The following ACACB variants were observed in gnomAD, a reference collection of about 807,000 sequenced individuals.
The protein encoded by ACACB is acetyl-CoA carboxylase 2.
A neutral mutation model predicts 278.8 loss-of-function variants in ACACB; 209 were observed. The ratio of observed to expected loss-of-function variants is 0.75; its 90% CI spans 0.67 to 0.84. ACACB has a LOEUF of 0.84. Among genes scored for constraint, ACACB ranks in the 40% least tolerant of loss-of-function variants. The pLI is 0.00. For missense variants in ACACB, 2,850 were observed against 3,269.0 expected, an observed-to-expected ratio of 0.87 and a Z score of 3.13; for synonymous variants, 1,174 against 1,285.6, an observed-to-expected ratio of 0.91 and a Z score of 1.86.
intron 52 of ACACB, 103 bp from the exon 53 acceptor site, chr12:109,266,133 C>A: frequency 7.0e-7 from 1 of 1,422,214 alleles, no homozygotes; most frequent in Non-Finnish European, 9.5e-7. Flanking sequence ...GACTCGGGAG[C>A]TCTGGGTTCT....
At chr12:109,135,634 G>C (rs1254999997) in intron 1 of ACACB, among the ~76,000 whole-genome samples, 1 of 151,758 alleles carries the variant, frequency 6.6e-6, no homozygotes, top group Non-Finnish European at 1.5e-5. Flanking sequence ...AGGTCATGAT[G>C]AATTACTTCT....
intron 2 of ACACB, among the ~76,000 whole-genome samples, chr12:109,157,921 T>C (rs2043595361): frequency 6.6e-6 from 1 of 152,210 alleles, no homozygotes; most frequent in South Asian, 2.1e-4. Flanking sequence ...TTCACTGCCA[T>C]GCAATTCTGC....
chr12:109,210,670 G>A lies in ACACB; in HGVS notation c.3249+1317G>A, dbSNP rs1006845298. On this transcript the variant is annotated intron_variant, in intron 21 of 52. Coordinates refer to ENST00000338432, the MANE Select transcript of ACACB (RefSeq NM_001093.4). Reference sequence around the variant, plus strand: ...TGGCTCACGCCTGTAATCCCAGCACGTTGGGAGGCCAGGGCAGGTGGATCA... The same window carrying A: ...TGGCTCACGCCTGTAATCCCAGCACATTGGGAGGCCAGGGCAGGTGGATCA... 7.3e-5 allele frequency among the ~76,000 whole-genome samples: 11 copies of A among 151,022 alleles called. No individual in the cohort carries two copies. In the East Asian group the frequency reaches 7.8e-4, roughly 11 times the overall value.
At chr12:109,191,229 T>TA (rs1565904214) in intron 13 of ACACB, among the ~76,000 whole-genome samples, 1 of 151,464 alleles carries the variant, frequency 6.6e-6, no homozygotes, top group Non-Finnish European at 1.5e-5. Context: ...TTTTTTTTTT[T>TA]TGGAGACAGA....
At chr12:109,164,954 C>T (rs2043850895) in intron 2 of ACACB, among the ~76,000 whole-genome samples, 1 of 151,944 alleles carries the variant, frequency 6.6e-6, no homozygotes, top group African/African-American at 2.4e-5. Flanking sequence ...CAAGGAAGAG[C>T]AACACACAGG....
intron 28 of ACACB, among the ~76,000 whole-genome samples, chr12:109,230,321 G>A (rs927418703): frequency 1.3e-5 from 2 of 152,224 alleles, no homozygotes; most frequent in African/African-American, 4.8e-5. Flanking sequence ...GAGAGAAAGG[G>A]GACTGACTGC....
intron 2 of ACACB, among the ~76,000 whole-genome samples, chr12:109,162,242 G>A (rs2043751349): frequency 2.6e-5 from 4 of 152,020 alleles, no homozygotes; most frequent in Non-Finnish European, 5.9e-5. Flanking sequence ...GCCTCCCAAA[G>A]TGCTGGGATT....
intron 17 of ACACB, among the ~76,000 whole-genome samples, chr12:109,197,387 A>G (rs2045175036): frequency 6.6e-6 from 1 of 152,092 alleles, no homozygotes. Context: ...GTTGGTGGGG[A>G]TTCAGAGCTG....
upstream of ACACB, among the ~76,000 whole-genome samples, chr12:109,112,085 G>T (rs914902421): frequency 1.3e-5 from 2 of 151,654 alleles, no homozygotes; most frequent in East Asian, 3.9e-4. Context: ...TGCCGGTAGG[G>T]GGAGCAGTGA....
intron 4 of ACACB, among the ~76,000 whole-genome samples, chr12:109,170,158 G>A (rs941580001): frequency 3.3e-5 from 5 of 152,028 alleles, no homozygotes; most frequent in African/African-American, 9.7e-5. Context: ...TCTACCTCCC[G>A]GGTTCAAGCA....
chr12:109,253,260 G>A, intron 43 of ACACB, 102 bp downstream of exon 43: 5 of 1,290,328 alleles, frequency 3.9e-6, no homozygotes, highest in Middle Eastern at 4.1e-4. Context: ...AGGCTGAGGA[G>A]CAGGAAGCAC....
At chr12:109,149,204 G>A (rs938371107) in intron 2 of ACACB, among the ~76,000 whole-genome samples, 3 of 152,178 alleles carry the variant, frequency 2.0e-5, no homozygotes, top group African/African-American at 7.2e-5. Context: ...TTGGACTCCA[G>A]GACGGGCACC....
intron 9 of ACACB, among the ~76,000 whole-genome samples, chr12:109,178,303 T>C (rs780102200): frequency 6.6e-6 from 1 of 152,240 alleles, no homozygotes; most frequent in African/African-American, 2.4e-5. Context: ...GACATGCCTA[T>C]AAAACAATGC....
In ACACB at chr12:109,249,998, A is replaced by G. The variant is rs761256936; in HGVS notation, c.5684A>G (p.Asp1895Gly). Residue 1895 changes from aspartate (D) to glycine (G), a missense_variant, in exon 41 of 53, where the codon GAT becomes GGT. By Grantham distance (94) the Asp-to-Gly change is moderately conservative. Around this residue, in one of 3 missense-constraint regions of ACACB, gnomAD observed 2,265 missense variants for 2,561.3 expected, o/e 0.88. Transcript: ENST00000338432. ...EGGESRYMIT[D>G]IIGKDDGLGV... ...TGCTTTTGAAGATACATGATCACGG[A>G]TATCATCGGGAAGGATGATGGCTTG... 13 of 1,612,962 alleles carry G rather than the reference A, an allele frequency of 8.1e-6. No individual in the cohort carries two copies. Among genetic ancestry groups the G allele is most frequent in the Non-Finnish European group, 1.0e-5 (12 of 1,179,560 alleles).
intron 1 of ACACB, among the ~76,000 whole-genome samples, chr12:109,122,572 CAAAAA>C (rs59516728): frequency 1.6e-5 from 1 of 61,832 alleles, no homozygotes. Context: ...GACATTGTCT[CAAAAA>C]AAAAAAAAAA....
At chr12:109,210,455 GTA>G (rs752486878) in intron 21 of ACACB, among the ~76,000 whole-genome samples, 116 of 140,812 alleles carry the variant, frequency 8.2e-4, no homozygotes, top group Middle Eastern at 3.8e-3. Flanking sequence ...GTGTATATAT[GTA>G]TATATACGCA....
intron 40 of ACACB, among the ~76,000 whole-genome samples, chr12:109,248,023 A>T (rs529324290): frequency 6.6e-6 from 1 of 152,328 alleles, no homozygotes; most frequent in South Asian, 2.1e-4. Context: ...GACTTGGCAA[A>T]CTGGGAAGGT....
chr12:109,183,480 A>G lies in ACACB; in HGVS notation c.1819-2099A>G, dbSNP rs117388985. ...CTCACATCAGTGTTTTATGCTTTTT[A>G]TTATAGAGACCTTTCACTTCTTTGG... On this transcript the variant is annotated intron_variant, in intron 11 of 52. Coordinates refer to ENST00000338432, the MANE Select transcript of ACACB (RefSeq NM_001093.4). 3.4e-4 allele frequency among the ~76,000 whole-genome samples: 52 copies of G among 152,116 alleles called. 1 individual carries two copies. The East Asian group carries it at 0.01, about 29-fold the overall frequency.
At position 109,239,860 on chromosome 12, in the gene ACACB, G is replaced by A. The variant is rs1320093586; in HGVS notation, c.4693G>A (p.Gly1565Ser). 2 of 1,614,064 alleles carry A rather than the reference G, an allele frequency of 1.2e-6. No individual in the cohort carries two copies. The highest frequency in any genetic ancestry group is 3.3e-5 in the Admixed American group (2 of 60,022). Residue 1565 changes from glycine (G) to serine (S), a missense_variant, in exon 35 of 53, where the codon GGT becomes AGT. By Grantham distance (56) the Gly-to-Ser change is moderately conservative (BLOSUM62 0). Coordinates refer to ENST00000338432, the MANE Select transcript of ACACB (RefSeq NM_001093.4). ...EASFEYLQNE[G>S]ERLLLEAMDE... ...CTCCTTCGAATACCTGCAGAACGAGGGTGAGCGGCTGCTCCTGGAGGCCAT... is the reference window on the plus strand; with the variant it reads ...CTCCTTCGAATACCTGCAGAACGAGAGTGAGCGGCTGCTCCTGGAGGCCAT...
Sources: gnomAD v4.1 joint callset for allele counts (sites outside exome capture counted in the v4.1 genomes callset) on GRCh38, gnomAD v4.1.1 for gene constraint, gnomAD v4.1.1 regional missense constraint, MANE v1.5 for transcripts, NCBI Gene and HGNC (gene_info 2026-07-23, HGNC 2026-07-21) for gene names.